Variants in GRID2 observed in about 807,000 individuals in gnomAD.
GRID2 encodes glutamate receptor ionotropic, delta-2.
A neutral mutation model predicts 114.8 loss-of-function variants in GRID2; 33 were observed. The observed-to-expected ratio is 0.29, with a 90% CI of 0.22 to 0.38. The LOEUF is 0.38. Among genes scored for constraint, GRID2 ranks in the 10% least tolerant of loss-of-function variants. The pLI is 1.00. For missense variants in GRID2, 1,184 were observed against 1,257.7 expected, an observed-to-expected ratio of 0.94 and a Z score of 0.89; for synonymous variants, 505 against 449.9, an observed-to-expected ratio of 1.12 and a Z score of -1.55.
At chr4:93,770,101 C>G (rs949287863) in intron 15 of GRID2, among the ~76,000 whole-genome samples, 1 of 152,132 alleles carries the variant, frequency 6.6e-6, no homozygotes, top group African/African-American at 2.4e-5. Flanking sequence ...ACACATATCT[C>G]TTTTATAGTG....
At chr4:92,635,495 T>C (rs958384458) in intron 2 of GRID2, among the ~76,000 whole-genome samples, 5 of 152,114 alleles carry the variant, frequency 3.3e-5, no homozygotes, top group African/African-American at 7.2e-5. Flanking sequence ...GGAAAGTTTT[T>C]TTTTCCTTAA....
chr4:93,257,997 T>TAC (rs1262385920), intron 8 of GRID2, among the ~76,000 whole-genome samples: 115 of 16,624 alleles, frequency 6.9e-3, no homozygotes, highest in East Asian at 0.035. Flanking sequence ...TATATATATA[T>TAC]ATACACACAC....
intron 8 of GRID2, among the ~76,000 whole-genome samples, chr4:93,278,281 A>G (rs1222303150): frequency 6.7e-6 from 1 of 148,684 alleles, no homozygotes; most frequent in Non-Finnish European, 1.5e-5. Flanking sequence ...AAAAAAAAAC[A>G]TGTTATTCGG....
At chr4:93,461,917 T>C (rs1026541599) in intron 11 of GRID2, among the ~76,000 whole-genome samples, 1 of 152,216 alleles carries the variant, frequency 6.6e-6, no homozygotes, top group African/African-American at 2.4e-5. Flanking sequence ...GACTCTATCA[T>C]CTGGTCTCCA....
At chr4:92,792,315 G>A (rs752112720) in intron 2 of GRID2, among the ~76,000 whole-genome samples, 2 of 151,746 alleles carry the variant, frequency 1.3e-5, no homozygotes, top group African/African-American at 2.4e-5. Flanking sequence ...AGGGAGGTAC[G>A]TTGCAGTTAG....
intron 3 of GRID2, among the ~76,000 whole-genome samples, chr4:93,091,249 T>C (rs757459954): frequency 1.2e-4 from 18 of 152,214 alleles, no homozygotes; most frequent in Non-Finnish European, 1.8e-4. Flanking sequence ...TGAGTGAGAA[T>C]AGTGGCAGAG....
intron 13 of GRID2, among the ~76,000 whole-genome samples, chr4:93,556,226 C>T (rs909730479): frequency 2.6e-5 from 4 of 152,048 alleles, no homozygotes; most frequent in African/African-American, 9.7e-5. Context: ...CAACTCCTCG[C>T]CAGCAAGGGA....
At chr4:92,440,495 G>GC (rs1732990308) in intron 1 of GRID2, among the ~76,000 whole-genome samples, 1 of 152,034 alleles carries the variant, frequency 6.6e-6, no homozygotes, top group Non-Finnish European at 1.5e-5. Flanking sequence ...CCAGTCCTGG[G>GC]TGGGGCAAAT....
Position 93,185,939 on chromosome 4 carries a change from C to T in GRID2, c.736-21465C>T, listed in dbSNP as rs1347765073. 5.9e-5 allele frequency among the ~76,000 whole-genome samples: 9 copies of T among 152,120 alleles called. No individual in the cohort carries two copies. The South Asian group carries it at 1.5e-3, about 25-fold the overall frequency. ...AGGCCCCAGTGTGTGATGTTTCCCG[C>T]CCTGTGTCCAAGTGTTCTCATTGTT... On this transcript the variant is annotated intron_variant, in intron 4 of 15. Transcript: ENST00000282020.
intron 8 of GRID2, among the ~76,000 whole-genome samples, chr4:93,339,270 G>A (rs1279373527): frequency 6.6e-6 from 1 of 152,164 alleles, no homozygotes; most frequent in Non-Finnish European, 1.5e-5. Context: ...TTTGGAAATA[G>A]TGTCCATTCA....
At chr4:92,837,951 G>C (rs1360614856) in intron 2 of GRID2, among the ~76,000 whole-genome samples, 1 of 152,000 alleles carries the variant, frequency 6.6e-6, no homozygotes, top group Non-Finnish European at 1.5e-5. Context: ...TCCTAGGAGA[G>C]ATATCTAAGT....
At position 92,719,352 on chromosome 4, in the gene GRID2, A is replaced by G. The variant is rs971590726; in HGVS notation, c.244+129066A>G. 2.0e-5 allele frequency among the ~76,000 whole-genome samples: 3 copies of G among 152,292 alleles called. No homozygotes were observed. In the East Asian group the frequency reaches 5.8e-4, roughly 29 times the overall value. On this transcript the variant is annotated intron_variant, in intron 2 of 15. Coordinates refer to ENST00000282020, the MANE Select transcript of GRID2 (RefSeq NM_001510.4). ...AACACTTTTAACAAATGCTATAACC[A>G]TATGTTTATAGAAAGCATATTTGTC...
At chr4:92,681,710 T>A (rs1314255339) in intron 2 of GRID2, among the ~76,000 whole-genome samples, 2 of 152,060 alleles carry the variant, frequency 1.3e-5, no homozygotes, top group Non-Finnish European at 2.9e-5. Context: ...CCCACGGAAT[T>A]GTACACAAGA....
At chr4:93,316,224 G>C (rs1756569848) in intron 8 of GRID2, among the ~76,000 whole-genome samples, 2 of 150,994 alleles carry the variant, frequency 1.3e-5, no homozygotes, top group Admixed American at 1.3e-4. Context: ...GTCCAGCCTG[G>C]CTTGTTGCAT....
chr4:92,911,494 T>C (rs1462095520), intron 2 of GRID2, among the ~76,000 whole-genome samples: 1 of 151,980 alleles, frequency 6.6e-6, no homozygotes, highest in Non-Finnish European at 1.5e-5. Flanking sequence ...GCTGAAGTAG[T>C]ATTCTTACCA....
At chr4:93,376,859 C>G (rs1480543936) in intron 8 of GRID2, among the ~76,000 whole-genome samples, 2 of 152,188 alleles carry the variant, frequency 1.3e-5, no homozygotes, top group Non-Finnish European at 2.9e-5. Context: ...GGAAAAATAA[C>G]TAATGCATAC....
chr4:92,437,774 G>T (rs1025903316), intron 1 of GRID2, among the ~76,000 whole-genome samples: 3 of 152,150 alleles, frequency 2.0e-5, no homozygotes, highest in African/African-American at 7.2e-5. Flanking sequence ...GCAACTTGTG[G>T]ATATTGAGGC....
chr4:92,522,339 A>G (rs1724828576), intron 1 of GRID2, among the ~76,000 whole-genome samples: 1 of 151,992 alleles, frequency 6.6e-6, no homozygotes, highest in Non-Finnish European at 1.5e-5. Context: ...AAAGCAGTAC[A>G]AAAGATGAAC....
chr4:93,471,565 A>G (rs1724801148), intron 11 of GRID2, among the ~76,000 whole-genome samples: 1 of 152,036 alleles, frequency 6.6e-6, no homozygotes. Flanking sequence ...GTTTGCTAGA[A>G]AATTTACCCT....
Sources: allele counts gnomAD v4.1 joint callset (sites outside exome capture counted in the v4.1 genomes callset), GRCh38; gene constraint gnomAD v4.1.1; transcripts MANE v1.5; gene names NCBI Gene and HGNC (gene_info 2026-07-23, HGNC 2026-07-21).